Variants in GREB1 observed in about 807,000 individuals in gnomAD.
GREB1 encodes protein GREB1.
Under a neutral mutation model 200.7 loss-of-function variants are expected in GREB1, and 106 were observed. That is an observed-to-expected ratio of 0.53 (90% CI 0.45 to 0.62). The LOEUF is 0.62. GREB1 is among the 20% of genes least tolerant of loss of function. The pLI, the probability that GREB1 is intolerant of heterozygous loss-of-function variation, is 0.00. For synonymous variants in GREB1, 1,132 were observed against 1,092.4 expected (o/e 1.04, Z -0.72); for missense variants, 2,243 against 2,556.8 (o/e 0.88, Z 2.65).
At chr2:11,555,999 G>T (rs948907879) in intron 1 of GREB1, among the ~76,000 whole-genome samples, 1 of 152,190 alleles carries the variant, frequency 6.6e-6, no homozygotes, top group Non-Finnish European at 1.5e-5. Flanking sequence ...CCACTCCTCT[G>T]TGATTTCCAG....
intron 15 of GREB1, 133 bp downstream of exon 15, chr2:11,598,993 G>T (rs1024028463): frequency 1.8e-5 from 13 of 740,174 alleles, no homozygotes; most frequent in Non-Finnish European, 2.8e-5. Context: ...CTAAGCAGAT[G>T]CCATGGAGGT....
At position 11,597,538 on chromosome 2, in the gene GREB1, A is replaced by G. The variant is rs763269869; in HGVS notation, c.1955-243A>G. ...GACCACTGCCTCCACTGTGCTCCCC[A>G]AGTGCTTGGTTCTTATTTTTATTAT... On this transcript the variant is annotated intron_variant, in intron 13 of 32. Coordinates refer to ENST00000381486, the MANE Select transcript of GREB1 (RefSeq NM_014668.4). This position sits in a 1 kb window ranked among gnomAD's most constrained non-coding sequence, Gnocchi z 4.1. 3.3e-5 allele frequency among the ~76,000 whole-genome samples: 5 copies of G among 152,056 alleles called. No individual in the cohort carries two copies. The highest frequency in any genetic ancestry group is 6.6e-5 in the Admixed American group (1 of 15,264).
chr2:11,634,362 AC>A lies in GREB1; in HGVS notation c.5210+15del, dbSNP rs1459533012. On this transcript the variant is annotated intron_variant, in intron 29 of 32. Coordinates refer to ENST00000381486, the MANE Select transcript of GREB1 (RefSeq NM_014668.4). ...ACAACCAGAACCGGTGAGCTCCTGC[AC>A]CTGGGGCAGAGGCGGCGGCAGCCCT... The A allele has an allele frequency of 2.5e-6, 4 of 1,605,694 alleles. No individual in the cohort carries two copies. The Admixed American group carries it at 6.7e-5, about 27-fold the overall frequency.
Position 11,634,278 on chromosome 2 carries a change from C to T in GREB1, c.5139C>T (p.Ser1713=). The stretch of plus-strand genomic sequence containing the variant: ...CCAGCGAGGTGCAAGAGCCCTTCTC[C>T]CGCTGCCACGTGCACAACTTCATCA... ...TRASEVQEPF[S]RCHVHNFIIL... is the part of the protein sequence containing the mutation. Residue 1713 remains serine (S), a synonymous_variant, in exon 29 of 33, where the codon TCC becomes TCT. Transcript: ENST00000381486. 2 of 1,614,200 alleles carry T rather than the reference C, an allele frequency of 1.2e-6. No individual in the cohort carries two copies. Among genetic ancestry groups the T allele is most frequent in the East Asian group, 2.2e-5 (1 of 44,888 alleles).
chr2:11,534,614 G>C (rs1674206999), intron 1 of GREB1, among the ~76,000 whole-genome samples: 1 of 152,152 alleles, frequency 6.6e-6, no homozygotes, highest in African/African-American at 2.4e-5. Flanking sequence ...AGATCAACAG[G>C]CTCACCCGTG....
chr2:11,488,416 A>C (rs115787227), intron 1 of GREB1, among the ~76,000 whole-genome samples: 2,128 of 152,360 alleles, frequency 0.014, 29 homozygotes, highest in Non-Finnish European at 0.019. Context: ...CCCTCTGTGC[A>C]GAATGATACT....
chr2:11,606,395 G>A lies in GREB1; in HGVS notation c.2666+3853G>A, dbSNP rs535672774. On this transcript the variant is annotated intron_variant, in intron 17 of 32. Coordinates refer to ENST00000381486, the MANE Select transcript of GREB1 (RefSeq NM_014668.4). ...TCTAATAGGTATGAGGTGGTAGCTC[G>A]TAATTTTAATTTTAATTTCTCCAAT... 6.6e-5 allele frequency among the ~76,000 whole-genome samples: 10 copies of A among 152,222 alleles called. No individual in the cohort carries two copies. In the South Asian group the frequency reaches 1.2e-3, roughly 19 times the overall value.
At chr2:11,575,793 G>A (rs900091551) in intron 4 of GREB1, among the ~76,000 whole-genome samples, 7 of 152,136 alleles carry the variant, frequency 4.6e-5, no homozygotes, top group Non-Finnish European at 5.9e-5. Context: ...CCACCCCCAC[G>A]GAAATAAGAG....
intron 1 of GREB1, among the ~76,000 whole-genome samples, chr2:11,524,051 TCA>T (rs144358585): frequency 0.063 from 9,435 of 150,182 alleles, 1,031 homozygotes; most frequent in African/African-American, 0.22. Flanking sequence ...GCATGCACAC[TCA>T]CACACACACA....
In GREB1 at chr2:11,629,978, T is replaced by C; in HGVS notation, c.4480T>C (p.Phe1494Leu). 6.2e-7 allele frequency: 1 copy of C among 1,614,176 alleles called. No homozygotes were observed. Among genetic ancestry groups the C allele is most frequent in the Non-Finnish European group, 8.5e-7 (1 of 1,180,014 alleles). The change falls in exon 26 of 33, where the codon TTC (phenylalanine) becomes CTC (leucine). Residue 1494 changes from phenylalanine (F) to leucine (L), a missense_variant. By Grantham distance (22) the Phe-to-Leu change is conservative (BLOSUM62 0). This residue lies in a region of GREB1 where 478 missense variants were observed against 616.3 expected (regional missense o/e 0.78). Coordinates refer to ENST00000381486, the MANE Select transcript of GREB1 (RefSeq NM_014668.4). The surrounding 1 kb of genome is among the most constrained non-coding windows in gnomAD (Gnocchi z 5.2). Reference protein sequence around the residue: ...LYESTLHAFAFSYSMLGEEIQ... With the variant: ...LYESTLHAFALSYSMLGEEIQ... ...TGAGTCCACCCTGCACGCCTTTGCCTTCTCTTACTCCATGCTAGGAGAGGA... is the reference window on the plus strand; with the variant it reads ...TGAGTCCACCCTGCACGCCTTTGCCCTCTCTTACTCCATGCTAGGAGAGGA...
intron 9 of GREB1, chr2:11,587,460 G>A: frequency 6.2e-7 from 1 of 1,613,550 alleles, no homozygotes; most frequent in Non-Finnish European, 8.5e-7. Context: ...TGAGAGGCGT[G>A]AATTCATGGA....
At chr2:11,517,983 C>T (rs1468012136) in intron 1 of GREB1, among the ~76,000 whole-genome samples, 2 of 152,140 alleles carry the variant, frequency 1.3e-5, no homozygotes, top group Non-Finnish European at 2.9e-5. Context: ...TCACAATACC[C>T]GGAGAGTTTT....
intron 15 of GREB1, 65 bp from the exon 16 acceptor site, chr2:11,600,735 G>A (rs1681708727): frequency 1.5e-6 from 2 of 1,325,954 alleles, no homozygotes; most frequent in Admixed American, 1.7e-5. Flanking sequence ...TTATTCAACT[G>A]CTTCACCTTG....
intron 22 of GREB1, 129 bp downstream of exon 22, chr2:11,619,048 TCCA>T: frequency 1.1e-6 from 1 of 945,564 alleles, no homozygotes; most frequent in East Asian, 2.7e-5. Context: ...TGGAATCTTC[TCCA>T]ATGGCCTGGG....
rs369680633 is a variant in GREB1, at chr2:11,562,500, G to C, written c.195G>C (p.Glu65Asp). 8.7e-6 allele frequency: 14 copies of C among 1,608,898 alleles called. No individual in the cohort carries two copies. The Admixed American group carries it at 1.2e-4, about 14-fold the overall frequency. Reference sequence around the variant, plus strand: ...TGGACAATGAGGAAGAGGAAGAAGAGGGAGAAGGAGGGCTGGAAACAAATG... The same window carrying C: ...TGGACAATGAGGAAGAGGAAGAAGACGGAGAAGGAGGGCTGGAAACAAATG... ...SRVDNEEEEE[E>D]GEGGLETNGP... The change falls in exon 3 of 33, where the codon GAG becomes GAC. Residue 65 changes from glutamate to aspartate, a missense_variant. By Grantham distance (45) the Glu-to-Asp change is conservative. This residue lies in a region of GREB1 where 1,178 missense variants were observed against 1,387.4 expected (regional missense o/e 0.85). Coordinates refer to ENST00000381486, the MANE Select transcript of GREB1 (RefSeq NM_014668.4).
At chr2:11,586,448 G>A (rs762150264) in intron 9 of GREB1, among the ~76,000 whole-genome samples, 1 of 152,342 alleles carries the variant, frequency 6.6e-6, no homozygotes, top group Non-Finnish European at 1.5e-5. Context: ...CGTACGCTAC[G>A]TGGGGGTAGA....
chr2:11,640,665 T>C lies in GREB1; in HGVS notation c.*211T>C. Reference sequence around the variant, plus strand: ...GTGGGTGAGAATGAAAACTTGAGACTCCCAAGTTCTGGGCCAGCCCATTGC... The same window carrying C: ...GTGGGTGAGAATGAAAACTTGAGACCCCCAAGTTCTGGGCCAGCCCATTGC... On this transcript the variant is annotated 3_prime_UTR_variant, in exon 33 of 33. Transcript: ENST00000381486. This position sits in a 1 kb window ranked among gnomAD's most constrained non-coding sequence, Gnocchi z 4.6. The C allele has an allele frequency of 5.3e-6, 3 of 566,140 alleles. No homozygotes were observed. The highest frequency in any genetic ancestry group is 6.1e-6 in the Non-Finnish European group (2 of 326,128). 35.1% of individuals were successfully genotyped at this position (566,140 alleles called of 1,614,324 possible).
chr2:11,608,004 C>T (rs1199335566), intron 17 of GREB1, among the ~76,000 whole-genome samples: 1 of 152,130 alleles, frequency 6.6e-6, no homozygotes, highest in Non-Finnish European at 1.5e-5. Context: ...AAAAACATTA[C>T]CACTGCTTGA....
intron 23 of GREB1, among the ~76,000 whole-genome samples, chr2:11,622,124 G>A (rs1215423447): frequency 6.6e-6 from 1 of 152,084 alleles, no homozygotes; most frequent in Non-Finnish European, 1.5e-5. Context: ...TATGTTGCCC[G>A]GGCTGGAGTG....
Sources: allele counts gnomAD v4.1 joint callset (sites outside exome capture counted in the v4.1 genomes callset), GRCh38; gene constraint gnomAD v4.1.1; regional missense constraint gnomAD v4.1.1; non-coding constraint Gnocchi (gnomAD v3.1); transcripts MANE v1.5; gene names NCBI Gene and HGNC (gene_info 2026-07-23, HGNC 2026-07-21).